METAP2: variants seen among roughly 807,000 people sequenced by gnomAD.
The protein encoded by METAP2 is methionine aminopeptidase 2.
In METAP2, 25 loss-of-function variants were observed where a neutral mutation model predicts 59.4. The observed-to-expected ratio is 0.42, with a 90% CI of 0.31 to 0.59. The LOEUF is 0.59. Ranked by LOEUF, METAP2 falls within the 20% of genes least tolerant of loss-of-function variation. The pLI, the probability that METAP2 is intolerant of heterozygous loss-of-function variation, is 0.16. For synonymous variants in METAP2, 214 were observed against 194.1 expected (o/e 1.10, Z -0.85); for missense variants, 366 against 581.2 (o/e 0.63, Z 3.81).
intron 7 of METAP2, 92 bp from the exon 8 acceptor site, chr12:95,503,973 C>A: frequency 1.1e-6 from 1 of 886,068 alleles, no homozygotes; most frequent in Non-Finnish European, 1.8e-6. Flanking sequence ...AGCAGTTTTT[C>A]TGATTGTCCC....
intron 8 of METAP2, among the ~76,000 whole-genome samples, chr12:95,507,444 G>A (rs948013447): frequency 3.9e-5 from 6 of 152,310 alleles, no homozygotes; most frequent in South Asian, 4.1e-4. Flanking sequence ...TTTTTTCCAC[G>A]TTGCATAAAG....
chr12:95,488,188 A>G (rs780235775), intron 4 of METAP2, among the ~76,000 whole-genome samples: 8 of 151,946 alleles, frequency 5.3e-5, no homozygotes, highest in Non-Finnish European at 8.8e-5. Flanking sequence ...TAAATGCATT[A>G]TGTGTCCATG....
intron 8 of METAP2, among the ~76,000 whole-genome samples, chr12:95,509,847 CTTTT>C (rs1210964780): frequency 1.5e-5 from 2 of 131,634 alleles, no homozygotes; most frequent in Non-Finnish European, 1.6e-5. Flanking sequence ...CCCCCCCAAC[CTTTT>C]TTTTTTTTTT....
rs2076336918 is a variant in METAP2 at position 95,504,045 on chromosome 12, A to AT, written c.868-19dup. 1 of 1,584,300 alleles carries AT rather than the reference A, an allele frequency of 6.3e-7. No homozygotes were observed. Among genetic ancestry groups the AT allele is most frequent in the African/African-American group, 1.4e-5 (1 of 73,602 alleles). ...AATTTTGCACTTTGAATAATAAAGC[A>AT]TATGTTACTCTTTTTTTAGTGTGCT... On this transcript the variant is annotated intron_variant, in intron 7 of 10. Coordinates refer to ENST00000323666, the MANE Select transcript of METAP2 (RefSeq NM_006838.4).
intron 7 of METAP2, among the ~76,000 whole-genome samples, chr12:95,500,063 T>C (rs1371579620): frequency 6.6e-6 from 1 of 152,172 alleles, no homozygotes; most frequent in Admixed American, 6.5e-5. Flanking sequence ...TGTTTCCATT[T>C]ATGTCTTTAA....
intron 8 of METAP2, among the ~76,000 whole-genome samples, chr12:95,510,261 C>T (rs1483757783): frequency 6.6e-6 from 1 of 152,198 alleles, no homozygotes; most frequent in Non-Finnish European, 1.5e-5. Context: ...GCCAGTATTC[C>T]AGAAGACGCT....
chr12:95,492,614 G>A (rs1302436515), intron 4 of METAP2, among the ~76,000 whole-genome samples: 3 of 151,904 alleles, frequency 2.0e-5, no homozygotes, highest in African/African-American at 7.3e-5. Context: ...TGCCCAGGCT[G>A]GGGTATAGTG....
At chr12:95,480,682 T>G (rs2076152269) in intron 2 of METAP2, among the ~76,000 whole-genome samples, 1 of 152,262 alleles carries the variant, frequency 6.6e-6, no homozygotes, top group East Asian at 1.9e-4. Context: ...TCACATTTTT[T>G]GTCCATGTTT....
At chr12:95,492,904 C>T (rs1318693686) in intron 4 of METAP2, among the ~76,000 whole-genome samples, 2 of 152,100 alleles carry the variant, frequency 1.3e-5, no homozygotes, top group African/African-American at 4.8e-5. Flanking sequence ...CTTAGCTTTG[C>T]CATTGTAGCA....
chr12:95,475,852 T>TG (rs1277092012), intron 1 of METAP2, among the ~76,000 whole-genome samples: 1 of 152,212 alleles, frequency 6.6e-6, no homozygotes, highest in Non-Finnish European at 1.5e-5. Context: ...GCTGCTAGTG[T>TG]GTGTAATGGA....
At chr12:95,511,213 A>G (rs1290107995) in intron 8 of METAP2, among the ~76,000 whole-genome samples, 1 of 152,142 alleles carries the variant, frequency 6.6e-6, no homozygotes, top group Admixed American at 6.5e-5. Flanking sequence ...TATTAACAGT[A>G]TCTTTCACAT....
chr12:95,483,475 CAAAAA>C (rs141083015), intron 3 of METAP2, 195 bp downstream of exon 3: 69 of 66,582 alleles, frequency 1.0e-3, no homozygotes, highest in Middle Eastern at 9.4e-3. Flanking sequence ...GACTCTGTCT[CAAAAA>C]AAAAAAAAAA....
intron 2 of METAP2, among the ~76,000 whole-genome samples, chr12:95,477,289 G>A (rs2076127484): frequency 6.6e-6 from 1 of 151,892 alleles, no homozygotes; most frequent in African/African-American, 2.4e-5. Flanking sequence ...TAGTAGAAAT[G>A]GGGTTTTGCC....
At chr12:95,511,764 A>C (rs1304015801) in intron 8 of METAP2, 131 bp from the exon 9 acceptor site, 2 of 601,716 alleles carry the variant, frequency 3.3e-6, no homozygotes, top group East Asian at 5.6e-5. Context: ...AAACTACCTT[A>C]ATGTAAGGTT....
chr12:95,512,024 T>G, intron 9 of METAP2, 26 bp downstream of exon 9: 1 of 1,525,692 alleles, frequency 6.6e-7, no homozygotes, highest in Non-Finnish European at 9.1e-7. Flanking sequence ...ACATTTTACT[T>G]CCATGGAAGA....
chr12:95,499,063 C>T (rs1426564964), intron 7 of METAP2, among the ~76,000 whole-genome samples: 3 of 150,780 alleles, frequency 2.0e-5, no homozygotes, highest in Non-Finnish European at 4.4e-5. Context: ...GGGTTTATTT[C>T]TGGGCTGTTC....
At chr12:95,511,431 G>A (rs181192364) in intron 8 of METAP2, among the ~76,000 whole-genome samples, 1 of 106,884 alleles carries the variant, frequency 9.4e-6, no homozygotes, top group South Asian at 3.2e-4. Context: ...AGTTGCTTTC[G>A]CCCAGGCTGA....
At chr12:95,507,631 T>C (rs1462263673) in intron 8 of METAP2, among the ~76,000 whole-genome samples, 1 of 152,260 alleles carries the variant, frequency 6.6e-6, no homozygotes, top group Non-Finnish European at 1.5e-5. Context: ...TTTTCAGTGT[T>C]AATCCTCCAC....
At chr12:95,479,516 C>T (rs940575929) in intron 2 of METAP2, among the ~76,000 whole-genome samples, 6 of 152,112 alleles carry the variant, frequency 3.9e-5, no homozygotes, top group Admixed American at 3.3e-4. Flanking sequence ...AAAAGTTGAT[C>T]CTGTGGTCAT....
Sources: gnomAD v4.1 joint callset for allele counts (sites outside exome capture counted in the v4.1 genomes callset) on GRCh38, gnomAD v4.1.1 for gene constraint, MANE v1.5 for transcripts, NCBI Gene and HGNC (gene_info 2026-07-23, HGNC 2026-07-21) for gene names.